NALF1: variants seen among roughly 807,000 people sequenced by gnomAD.
The protein encoded by NALF1 is NALCN channel auxiliary factor 1.
A neutral mutation model predicts 48.4 loss-of-function variants in NALF1; 3 were observed. That is an observed-to-expected ratio of 0.06 (90% CI 0.03 to 0.16). The LOEUF (loss-of-function observed/expected upper bound fraction) is 0.16. Ranked by LOEUF, NALF1 falls within the 10% of genes least tolerant of loss-of-function variation. The probability of loss-of-function intolerance (pLI) is 1.00; values close to 1 mark genes in which losing one functional copy is unlikely to be tolerated. For missense variants in NALF1, 526 were observed against 571.5 expected (o/e 0.92, Z 0.81); for synonymous variants, 262 against 245.7 (o/e 1.07, Z -0.62).
intron 1 of NALF1, among the ~76,000 whole-genome samples, chr13:107,306,910 A>G (rs1055638035): frequency 1.3e-5 from 2 of 152,186 alleles, no homozygotes; most frequent in African/African-American, 2.4e-5. Flanking sequence ...GTGTGCAGTG[A>G]GCACACCATT....
chr13:107,718,824 A>T (rs1776014207), intron 1 of NALF1, among the ~76,000 whole-genome samples: 1 of 152,180 alleles, frequency 6.6e-6, no homozygotes, highest in African/African-American at 2.4e-5. Context: ...AAATAACATT[A>T]AAAATTCATT....
chr13:107,177,148 C>G (rs1878956401), intron 2 of NALF1, among the ~76,000 whole-genome samples: 1 of 151,922 alleles, frequency 6.6e-6, no homozygotes. Flanking sequence ...AAGAAAATAT[C>G]TATGACTTAA....
At chr13:107,199,179 A>T (rs1282907100) in intron 2 of NALF1, among the ~76,000 whole-genome samples, 1 of 152,032 alleles carries the variant, frequency 6.6e-6, no homozygotes, top group African/African-American at 2.4e-5. Flanking sequence ...TCATTATTGG[A>T]CACAGAGAGG....
chr13:107,798,883 A>C (rs1878514537), intron 1 of NALF1, among the ~76,000 whole-genome samples: 1 of 152,202 alleles, frequency 6.6e-6, no homozygotes, highest in Admixed American at 6.5e-5. Flanking sequence ...TCAAAATAGA[A>C]ATAACAGTAA....
chr13:107,201,050 G>T (rs1040883385), intron 2 of NALF1, among the ~76,000 whole-genome samples: 1 of 152,150 alleles, frequency 6.6e-6, no homozygotes, highest in South Asian at 2.1e-4. Context: ...AAGAGATGGC[G>T]ACTGAGAACT....
At chr13:107,706,575 A>G (rs575701280) in intron 1 of NALF1, among the ~76,000 whole-genome samples, 2 of 152,216 alleles carry the variant, frequency 1.3e-5, no homozygotes, top group Non-Finnish European at 2.9e-5. Flanking sequence ...CATTAAATGC[A>G]GTCTATTTCA....
chr13:107,529,390 G>A (rs1379887169), intron 1 of NALF1, among the ~76,000 whole-genome samples: 1 of 152,210 alleles, frequency 6.6e-6, no homozygotes, highest in African/African-American at 2.4e-5. Context: ...AGTCAGGAAA[G>A]AGAATGCCCC....
chr13:107,397,705 T>G (rs189604834), intron 1 of NALF1, among the ~76,000 whole-genome samples: 1 of 152,084 alleles, frequency 6.6e-6, no homozygotes, highest in Non-Finnish European at 1.5e-5. Context: ...ATTTGTCAAG[T>G]AGAATAACCT....
At chr13:107,493,811 C>A (rs1432486470) in intron 1 of NALF1, among the ~76,000 whole-genome samples, 1 of 152,052 alleles carries the variant, frequency 6.6e-6, no homozygotes, top group Non-Finnish European at 1.5e-5. Flanking sequence ...ATGGCTTGAG[C>A]CCCAAGTGTT....
At chr13:107,734,794 A>C (rs1409782225) in intron 1 of NALF1, among the ~76,000 whole-genome samples, 1 of 152,146 alleles carries the variant, frequency 6.6e-6, no homozygotes, top group Non-Finnish European at 1.5e-5. Context: ...GATGATAACT[A>C]CCATTGACAG....
At chr13:107,859,883 C>T (rs1880523423) in intron 1 of NALF1, among the ~76,000 whole-genome samples, 1 of 142,974 alleles carries the variant, frequency 7.0e-6, no homozygotes, top group South Asian at 2.2e-4. Context: ...CCACTGCACT[C>T]CAGCCTGGAC....
chr13:107,399,126 G>A (rs1478723985), intron 1 of NALF1, among the ~76,000 whole-genome samples: 2 of 152,220 alleles, frequency 1.3e-5, no homozygotes, highest in African/African-American at 4.8e-5. Flanking sequence ...TGCAGACTCG[G>A]GGAGATGGCA....
rs567877129 is a variant in NALF1 at position 107,317,006 on chromosome 13, A to G, written c.916-106251T>C. ...AAAAGATTTTTAGAAATGTAAATGA[A>G]AGATCTTTTCTAGGAAATGAGAAAA... On this transcript the variant is annotated intron_variant, in intron 1 of 2. Transcript: ENST00000375915. 3.2e-4 allele frequency among the ~76,000 whole-genome samples: 48 copies of G among 152,286 alleles called. 1 individual carries two copies. The South Asian group carries it at 9.9e-3, about 32-fold the overall frequency.
intron 1 of NALF1, among the ~76,000 whole-genome samples, chr13:107,247,658 GA>G (rs1319199181): frequency 6.6e-6 from 1 of 152,142 alleles, no homozygotes; most frequent in Non-Finnish European, 1.5e-5. Flanking sequence ...GACACATGGG[GA>G]TATCTGTTAT....
chr13:107,646,793 A>C (rs1429436657), intron 1 of NALF1, among the ~76,000 whole-genome samples: 1 of 152,136 alleles, frequency 6.6e-6, no homozygotes, highest in Non-Finnish European at 1.5e-5. Flanking sequence ...AGTAAAATTT[A>C]TGAGGTTAAT....
Position 107,291,261 on chromosome 13 carries a change from T to C in NALF1, c.916-80506A>G, listed in dbSNP as rs116493418. On this transcript the variant is annotated intron_variant, in intron 1 of 2. Coordinates refer to ENST00000375915, the MANE Select transcript of NALF1 (RefSeq NM_001080396.3). ...ATTGACAAATTATGCTCTGATTTAGTGTTTCCTGGTTCATGTGTTTAGGTG... is the reference window on the plus strand; with the variant it reads ...ATTGACAAATTATGCTCTGATTTAGCGTTTCCTGGTTCATGTGTTTAGGTG... 3.6e-3 allele frequency among the ~76,000 whole-genome samples: 549 copies of C among 152,208 alleles called. 2 individuals are homozygous for C. The highest frequency in any genetic ancestry group is 0.013 in the African/African-American group (532 of 41,502).
intron 1 of NALF1, among the ~76,000 whole-genome samples, chr13:107,390,767 T>C (rs1392391924): frequency 1.3e-5 from 2 of 151,982 alleles, no homozygotes; most frequent in South Asian, 2.1e-4. Flanking sequence ...AGACTTCACA[T>C]AAAAAGGGCA....
intron 1 of NALF1, among the ~76,000 whole-genome samples, chr13:107,555,264 A>T (rs529463710): frequency 0.012 from 1,543 of 131,268 alleles, 9 homozygotes; most frequent in African/African-American, 0.03. Flanking sequence ...ATTTATTATT[A>T]ATTAATTAAT....
chr13:107,407,097 C>A (rs945214655), intron 1 of NALF1, among the ~76,000 whole-genome samples: 2 of 151,916 alleles, frequency 1.3e-5, no homozygotes, highest in African/African-American at 2.4e-5. Context: ...CCCCATCGCT[C>A]ACCATATAAA....
Sources: gnomAD v4.1 joint callset for allele counts (sites outside exome capture counted in the v4.1 genomes callset) on GRCh38, gnomAD v4.1.1 for gene constraint, MANE v1.5 for transcripts, NCBI Gene and HGNC (gene_info 2026-07-23, HGNC 2026-07-21) for gene names.